Variants in IPP observed in about 807,000 individuals in gnomAD.
IPP encodes actin-binding protein IPP.
A neutral mutation model predicts 64.1 loss-of-function variants in IPP; 41 were observed. The ratio of observed to expected loss-of-function variants is 0.64; its 90% CI spans 0.50 to 0.83. The LOEUF (loss-of-function observed/expected upper bound fraction) is 0.83. IPP is among the 40% of genes least tolerant of loss of function. IPP has a pLI of 0.00. For synonymous variants in IPP, 214 were observed against 235.2 expected (o/e 0.91, Z 0.83); for missense variants, 649 against 703.0 (o/e 0.92, Z 0.87).
Position 45,698,942 on chromosome 1 carries a change from G to T in IPP, c.*1024C>A. The T allele has an allele frequency of 1.6e-6, 1 of 616,782 alleles. No individual in the cohort carries two copies. The highest frequency in any genetic ancestry group is 2.0e-6 in the Non-Finnish European group (1 of 493,582). The allele number at this position is 616,782 out of a possible 1,614,324, so 38.2% of individuals were successfully genotyped here. A position where few individuals can be genotyped will look rare whatever the true frequency, so the allele number is the denominator to read the frequency against. ...TCATCACGTTGCCCAGGCTAGTCTC[G>T]AACTCCTGAGTTCAAGCCATCTTCC... On this transcript the variant is annotated 3_prime_UTR_variant, in exon 9 of 9. Transcript: ENST00000396478.
chr1:45,698,783 A>G lies in IPP; in HGVS notation c.*1183T>C. On this transcript the variant is annotated 3_prime_UTR_variant, in exon 9 of 9. Coordinates refer to ENST00000396478, the MANE Select transcript of IPP (RefSeq NM_005897.3). ...ACCCAGGCCGGTGTGCAGTGGCACA[A>G]TCTTGGCTCACTGCAGCCTTGACCT... 1.8e-6 allele frequency: 1 copy of G among 571,308 alleles called. No homozygotes were observed. The highest frequency in any genetic ancestry group is 7.6e-5 in the South Asian group (1 of 13,118). 35.4% of individuals were successfully genotyped at this position (571,308 alleles called of 1,614,324 possible).
chr1:45,701,240 A>G (rs1185397156), intron 8 of IPP, among the ~76,000 whole-genome samples: 1 of 152,236 alleles, frequency 6.6e-6, no homozygotes, highest in Non-Finnish European at 1.5e-5. Context: ...TCCCTGAAGA[A>G]ATTTCAATGT....
intron 6 of IPP, among the ~76,000 whole-genome samples, chr1:45,718,863 G>T (rs961048470): frequency 6.6e-6 from 1 of 151,564 alleles, no homozygotes; most frequent in Non-Finnish European, 1.5e-5. Flanking sequence ...GTAGTGTAGT[G>T]GGGGTGGGGA....
rs1489652433 is a variant in IPP at position 45,741,083 on chromosome 1, T to A, written c.542A>T (p.Asp181Val). The change falls in exon 3 of 9, where the codon GAT becomes GTT. Residue 181 changes from aspartate to valine, a missense_variant. Physicochemically the swap from Asp to Val is radical, Grantham distance 152. Coordinates refer to ENST00000396478, the MANE Select transcript of IPP (RefSeq NM_005897.3). ...SGEEFLALTK[D>V]QLIKILRSEE... ...ACTTCGCAAAATTTTGATCAGCTGA[T>A]CTTTCGTAAGTGCCAGGAACTCTTC... 6 of 1,613,998 alleles carry A rather than the reference T, an allele frequency of 3.7e-6. No individual in the cohort carries two copies. The highest frequency in any genetic ancestry group is 5.1e-6 in the Non-Finnish European group (6 of 1,180,008).
At chr1:45,711,889 A>C (rs1486081802) in intron 8 of IPP, among the ~76,000 whole-genome samples, 1 of 152,250 alleles carries the variant, frequency 6.6e-6, no homozygotes, top group Non-Finnish European at 1.5e-5. Context: ...ATGTGAAGCT[A>C]AACCTGACAG....
At chr1:45,732,236 A>G (rs975489550) in intron 3 of IPP, among the ~76,000 whole-genome samples, 2 of 151,222 alleles carry the variant, frequency 1.3e-5, no homozygotes, top group Non-Finnish European at 3.0e-5. Context: ...TGGTGGGCAC[A>G]TGTAATCCCA....
At chr1:45,723,677 C>T (rs1248895133) in intron 5 of IPP, among the ~76,000 whole-genome samples, 3 of 152,068 alleles carry the variant, frequency 2.0e-5, no homozygotes, top group Non-Finnish European at 4.4e-5. Context: ...ATTTAATAAA[C>T]AGTTCTGAGT....
rs1645847665 is a variant in IPP at position 45,727,631 on chromosome 1, C to T, written c.1048G>A (p.Gly350Ser). The change falls in exon 5 of 9, where the codon GGT becomes AGT. Residue 350 changes from glycine to serine, a missense_variant and splice_region_variant. Transcript: ENST00000396478. ...GAAAATAAGACATTTTTATTATTAC[C>T]TCCAATAGCGTAGACCATCCCTCCC... is the stretch of plus-strand genomic sequence containing the variant. ...VLGGMVYAIG[G>S]EKDSMIFDCT... is the part of the protein sequence containing the mutation. The T allele has an allele frequency of 6.5e-7, 1 of 1,528,038 alleles. No homozygotes were observed. Among genetic ancestry groups the T allele is most frequent in the Non-Finnish European group, 8.9e-7 (1 of 1,126,500 alleles). The allele number at this position is 1,528,038 out of a possible 1,614,324, so 94.7% of individuals were successfully genotyped here.
In IPP at chr1:45,746,417, CG is replaced by C; in HGVS notation, c.-7del. ...GGACAGTCCTCATTAGCCATGATGACGGTAGATTAATTAAAAGGACTGTTGC... is the reference window on the plus strand; with the variant it reads ...GGACAGTCCTCATTAGCCATGATGACGTAGATTAATTAAAAGGACTGTTGC... On this transcript the variant is annotated 5_prime_UTR_variant, in exon 2 of 9. Transcript: ENST00000396478. 1.3e-6 allele frequency: 2 copies of C among 1,593,862 alleles called. No homozygotes were observed. Among genetic ancestry groups the C allele is most frequent in the Non-Finnish European group, 1.7e-6 (2 of 1,164,638 alleles).
intron 3 of IPP, among the ~76,000 whole-genome samples, chr1:45,733,616 G>A (rs1645939322): frequency 6.6e-6 from 1 of 151,528 alleles, no homozygotes; most frequent in Non-Finnish European, 1.5e-5. Flanking sequence ...CGGATCACCT[G>A]AGGTCAGGAG....
At position 45,727,715 on chromosome 1, in the gene IPP, A is replaced by C; in HGVS notation, c.964T>G (p.Tyr322Asp). 2 of 1,601,972 alleles carry C rather than the reference A, an allele frequency of 1.2e-6. No individual in the cohort carries two copies. The highest frequency in any genetic ancestry group is 1.7e-6 in the Non-Finnish European group (2 of 1,171,218). ...TGAAGTGAAGACACAGTGGTCCAGT[A>C]CTGGCTAAAGGTGTCAAAACGTTCT... ...CVERFDTFSQ[Y>D]WTTVSSLHQA... The change falls in exon 5 of 9, where the codon TAC (tyrosine) becomes GAC (aspartate). Residue 322 changes from tyrosine (Y) to aspartate (D), a missense_variant. By Grantham distance (160) the Tyr-to-Asp change is radical. Coordinates refer to ENST00000396478, the MANE Select transcript of IPP (RefSeq NM_005897.3).
intron 3 of IPP, among the ~76,000 whole-genome samples, chr1:45,735,546 C>G (rs1364345504): frequency 7.7e-6 from 1 of 129,976 alleles, no homozygotes. Flanking sequence ...GATCACAGCT[C>G]ACTGCAGCCT....
chr1:45,700,272 A>T, intron 8 of IPP, 82 bp from the exon 9 acceptor site: 1 of 1,496,240 alleles, frequency 6.7e-7, no homozygotes. Flanking sequence ...TCGATATCCC[A>T]GTTCTTTTTA....
intron 8 of IPP, among the ~76,000 whole-genome samples, chr1:45,703,003 G>C (rs1448475963): frequency 6.6e-6 from 1 of 152,096 alleles, no homozygotes; most frequent in Non-Finnish European, 1.5e-5. Flanking sequence ...CATTGTACTG[G>C]AGGTTCTAGC....
chr1:45,749,731 A>G (rs1481962766), intron 1 of IPP, among the ~76,000 whole-genome samples: 3 of 151,592 alleles, frequency 2.0e-5, no homozygotes, highest in Non-Finnish European at 4.4e-5. Context: ...CGTGTTAGCC[A>G]GGATGGTCTC....
downstream of IPP, chr1:45,694,472 C>T: frequency 1.3e-6 from 2 of 1,546,032 alleles, no homozygotes; most frequent in African/African-American, 1.4e-5. Context: ...AAAGAATGCA[C>T]ATATTCTCCC....
downstream of IPP, among the ~76,000 whole-genome samples, chr1:45,696,412 TAACCCAG>T (rs1439498847): frequency 6.6e-6 from 1 of 152,228 alleles, no homozygotes; most frequent in Non-Finnish European, 1.5e-5. Context: ...TACAGTTTGG[TAACCCAG>T]AATGCCACTG....
At chr1:45,750,432 T>TA (rs1646206433) in intron 1 of IPP, among the ~76,000 whole-genome samples, 165 bp downstream of exon 1, 1 of 152,228 alleles carries the variant, frequency 6.6e-6, no homozygotes, top group South Asian at 2.1e-4. Flanking sequence ...GGGCGACACT[T>TA]AGACTGTCGG....
intron 5 of IPP, among the ~76,000 whole-genome samples, chr1:45,722,845 G>A (rs1328284161): frequency 5.9e-5 from 9 of 152,176 alleles, no homozygotes; most frequent in South Asian, 4.1e-4. Context: ...GTACTGATAC[G>A]TGTTATGACA....
Sources: allele counts gnomAD v4.1 joint callset (sites outside exome capture counted in the v4.1 genomes callset), GRCh38; gene constraint gnomAD v4.1.1; transcripts MANE v1.5; gene names NCBI Gene and HGNC (gene_info 2026-07-23, HGNC 2026-07-21).